DACH1: variants seen among roughly 807,000 people sequenced by gnomAD.
The protein encoded by DACH1 is dachshund family transcription factor 1.
A neutral mutation model predicts 54.2 loss-of-function variants in DACH1; 12 were observed. That is an observed-to-expected ratio of 0.22 (90% confidence interval 0.14 to 0.36). The LOEUF (loss-of-function observed/expected upper bound fraction) is 0.36. Ranked by LOEUF, DACH1 falls within the 10% of genes least tolerant of loss-of-function variation. DACH1 has a pLI of 1.00. For missense variants in DACH1, 805 were observed against 929.8 expected, an observed-to-expected ratio of 0.87 and a Z score of 1.75; for synonymous variants, 386 against 366.2, an observed-to-expected ratio of 1.05 and a Z score of -0.62.
chr13:71,821,637 C>T (rs1442827855), intron 1 of DACH1, among the ~76,000 whole-genome samples: 1 of 152,046 alleles, frequency 6.6e-6, no homozygotes, highest in African/African-American at 2.4e-5. Flanking sequence ...GATGAGAGTA[C>T]AGTTCTATTT....
rs1566494646 is a variant in DACH1 at position 71,779,158 on chromosome 13, CGTATAT to C, written c.848+86758_848+86763del. On this transcript the variant is annotated intron_variant, in intron 1 of 10. Transcript: ENST00000613252. ...ATATACACATATATACACATATATA[CGTATAT>C]ACGTATATATATACACATATATACG... 3.4e-3 allele frequency among the ~76,000 whole-genome samples: 267 copies of C among 78,108 alleles called. 3 individuals carry two copies. The highest frequency in any genetic ancestry group is 0.011 in the African/African-American group (230 of 21,316). 51.2% of individuals were successfully genotyped at this position (78,108 alleles called of 152,430 possible). A position where few individuals can be genotyped will look rare whatever the true frequency, so the allele number is the denominator to read the frequency against.
intron 3 of DACH1, among the ~76,000 whole-genome samples, chr13:71,603,997 G>A (rs990598471): frequency 6.6e-6 from 1 of 151,762 alleles, no homozygotes; most frequent in Non-Finnish European, 1.5e-5. Context: ...TATCTAATTA[G>A]TCTCCTAGTT....
At chr13:71,860,456 CTTTT>C (rs35326383) in intron 1 of DACH1, among the ~76,000 whole-genome samples, 2 of 136,124 alleles carry the variant, frequency 1.5e-5, no homozygotes, top group Admixed American at 7.3e-5. Context: ...CTTAATGTGA[CTTTT>C]TTTTTTTTTT....
intron 1 of DACH1, among the ~76,000 whole-genome samples, chr13:71,740,521 T>A (rs1298340903): frequency 6.6e-6 from 1 of 152,138 alleles, no homozygotes; most frequent in African/African-American, 2.4e-5. Flanking sequence ...TTAAAACTCC[T>A]CAGTAATATA....
chr13:71,565,866 C>T (rs1287665152), intron 4 of DACH1, among the ~76,000 whole-genome samples: 1 of 152,050 alleles, frequency 6.6e-6, no homozygotes, highest in African/African-American at 2.4e-5. Flanking sequence ...TTCACATAGC[C>T]TTGTAACTTT....
rs181322384 is a variant in DACH1 at position 71,717,840 on chromosome 13, G to A, written c.849-35930C>T. On this transcript the variant is annotated intron_variant, in intron 1 of 10. Transcript: ENST00000613252. ...GATCTTTAGATCTAACATCTCTTTC[G>A]TTTTTTCAGTCAAAACCAATATGGA... Among the ~76,000 whole-genome samples, 724 of 151,216 alleles carry A rather than the reference G, an allele frequency of 4.8e-3. 29 individuals carry two copies. The highest frequency in any genetic ancestry group is 1.3e-3 in the Non-Finnish European group (86 of 67,820).
chr13:71,665,848 T>A (rs1156616022), intron 2 of DACH1, among the ~76,000 whole-genome samples: 1 of 152,078 alleles, frequency 6.6e-6, no homozygotes, highest in African/African-American at 2.4e-5. Flanking sequence ...CTGAATTCAA[T>A]CCCCAATTGG....
At chr13:71,450,241 G>A (rs1465313060) in intron 10 of DACH1, among the ~76,000 whole-genome samples, 2 of 149,562 alleles carry the variant, frequency 1.3e-5, no homozygotes, top group Non-Finnish European at 3.0e-5. Context: ...TGGCAACTCC[G>A]CACTGGGGAA....
chr13:71,708,912 G>A (rs1475193329), intron 1 of DACH1, among the ~76,000 whole-genome samples: 2 of 148,326 alleles, frequency 1.3e-5, no homozygotes, highest in Non-Finnish European at 3.0e-5. Flanking sequence ...GAGTGCAGTG[G>A]CGCGATCTCG....
chr13:71,708,390 G>A (rs1276903058), intron 1 of DACH1, among the ~76,000 whole-genome samples: 2 of 152,110 alleles, frequency 1.3e-5, no homozygotes, highest in Non-Finnish European at 2.9e-5. Flanking sequence ...TTATTTTAAA[G>A]AGAGGATTAT....
At chr13:71,717,903 A>C (rs1443170305) in intron 1 of DACH1, among the ~76,000 whole-genome samples, 5 of 152,032 alleles carry the variant, frequency 3.3e-5, no homozygotes, top group Non-Finnish European at 5.9e-5. Flanking sequence ...TAAAAAAAAA[A>C]CACAGAAATC....
In DACH1 at chr13:71,866,403, T is replaced by C. The variant is rs748402989; in HGVS notation, c.367A>G (p.Ser123Gly). ...CTGGAAGCGACGCCGCCGCCAGCGC[T>C]GATGCCGCCGCCGCCGCCGCCGCTG... ...NGSGGGGGGISAGGGVASSTP... is the reference protein window; with the variant it reads ...NGSGGGGGGIGAGGGVASSTP... The change falls in exon 1 of 11, where the codon AGC (serine) becomes GGC (glycine). Residue 123 changes from serine to glycine, a missense_variant. Coordinates refer to ENST00000613252, the MANE Select transcript of DACH1 (RefSeq NM_080759.6). 4.6e-4 allele frequency: 636 copies of C among 1,385,606 alleles called. 1 individual carries two copies. The highest frequency in any genetic ancestry group is 5.9e-4 in the Non-Finnish European group (610 of 1,037,718). The allele number at this position is 1,385,606 out of a possible 1,614,324, so 85.8% of individuals were successfully genotyped here.
At chr13:71,620,995 A>G (rs1451776488) in intron 3 of DACH1, among the ~76,000 whole-genome samples, 2 of 151,854 alleles carry the variant, frequency 1.3e-5, no homozygotes, top group Non-Finnish European at 2.9e-5. Context: ...AAAGCCATGC[A>G]TGAGGTAGAT....
chr13:71,816,246 T>C lies in DACH1; in HGVS notation c.848+49676A>G, dbSNP rs562221755. 6.6e-5 allele frequency among the ~76,000 whole-genome samples: 10 copies of C among 152,264 alleles called. No individual in the cohort carries two copies. The South Asian group carries it at 1.9e-3, about 28-fold the overall frequency. On this transcript the variant is annotated intron_variant, in intron 1 of 10. Coordinates refer to ENST00000613252, the MANE Select transcript of DACH1 (RefSeq NM_080759.6). ...TCAGGGGTTTCTTTGGAAATGGCAC[T>C]ATCTTGCTAAATGTGACAGATATAA...
At chr13:71,512,055 C>T (rs2138259858) in intron 6 of DACH1, among the ~76,000 whole-genome samples, 1 of 152,064 alleles carries the variant, frequency 6.6e-6, no homozygotes, top group African/African-American at 2.4e-5. Flanking sequence ...CTTCATTTCC[C>T]TAGGTCTATA....
chr13:71,811,514 T>C (rs981756977), intron 1 of DACH1, among the ~76,000 whole-genome samples: 23 of 152,196 alleles, frequency 1.5e-4, no homozygotes, highest in African/African-American at 5.5e-4. Flanking sequence ...TACAAACCAC[T>C]AGTTTGCTAC....
Position 71,630,585 on chromosome 13 carries a change from G to C in DACH1, c.1097C>G (p.Ser366Cys), listed in dbSNP as rs1251879043. 1.3e-6 allele frequency: 2 copies of C among 1,594,968 alleles called. No homozygotes were observed. Among genetic ancestry groups the C allele is most frequent in the East Asian group, 4.5e-5 (2 of 44,338 alleles). ...HASNNQHGAD[S>C]ENGDMNSSVG... ...ACTTGAATTCATGTCCCCGTTTTCA[G>C]AGTCTGCTCCATGTTGGTTATTACT... The change falls in exon 3 of 11, where the codon TCT becomes TGT. Residue 366 changes from serine to cysteine, a missense_variant. Ser to Cys is a moderately radical substitution (Grantham distance 112, BLOSUM62 -1). Transcript: ENST00000613252.
At chr13:71,854,131 G>A (rs984804519) in intron 1 of DACH1, among the ~76,000 whole-genome samples, 1 of 151,958 alleles carries the variant, frequency 6.6e-6, no homozygotes, top group Non-Finnish European at 1.5e-5. Context: ...TATTTCCTAA[G>A]CTTGGAATAA....
intron 2 of DACH1, among the ~76,000 whole-genome samples, chr13:71,659,688 G>A (rs1879369676): frequency 6.6e-6 from 1 of 152,044 alleles, no homozygotes; most frequent in South Asian, 2.1e-4. Flanking sequence ...CTCCTCTGTT[G>A]GGGATTTTCT....
Sources: gnomAD v4.1 joint callset for allele counts (sites outside exome capture counted in the v4.1 genomes callset) on GRCh38, gnomAD v4.1.1 for gene constraint, MANE v1.5 for transcripts, NCBI Gene and HGNC (gene_info 2026-07-23, HGNC 2026-07-21) for gene names.